RBFOX3: variants seen among roughly 807,000 people sequenced by gnomAD.
RBFOX3 encodes RNA binding fox-1 homolog 3.
In RBFOX3, 17 loss-of-function variants were observed where a neutral mutation model predicts 48.7. The ratio of observed to expected loss-of-function variants is 0.35; its 90% confidence interval spans 0.24 to 0.52. The LOEUF (loss-of-function observed/expected upper bound fraction) is 0.52. Among genes scored for constraint, RBFOX3 ranks in the 20% least tolerant of loss-of-function variants. RBFOX3 has a pLI of 0.94. For synonymous variants in RBFOX3, 212 were observed against 209.5 expected (o/e 1.01, Z -0.10); for missense variants, 382 against 497.5 (o/e 0.77, Z 2.21).
intron 4 of RBFOX3, among the ~76,000 whole-genome samples, chr17:79,148,881 A>G (rs542373092): frequency 5.9e-5 from 9 of 152,318 alleles, no homozygotes; most frequent in African/African-American, 2.2e-4. Flanking sequence ...CCTCGCTGGC[A>G]CTGATCAGGT....
intron 1 of RBFOX3, among the ~76,000 whole-genome samples, chr17:79,511,212 C>T (rs1478671247): frequency 6.6e-6 from 1 of 152,184 alleles, no homozygotes; most frequent in African/African-American, 2.4e-5. Context: ...AGGGACTCTC[C>T]CTGGGCCAGG....
At chr17:79,381,549 GC>G (rs2059926361) in intron 2 of RBFOX3, among the ~76,000 whole-genome samples, 1 of 152,240 alleles carries the variant, frequency 6.6e-6, no homozygotes, top group Non-Finnish European at 1.5e-5. Flanking sequence ...GTCAGGCAGG[GC>G]ATCTTCTGGT....
At chr17:79,244,290 G>A (rs1015427442) in intron 3 of RBFOX3, among the ~76,000 whole-genome samples, 10 of 152,110 alleles carry the variant, frequency 6.6e-5, no homozygotes, top group Admixed American at 1.3e-4. Flanking sequence ...GCTAGGGCGC[G>A]CTGAAAACTG....
At chr17:79,225,291 CTTT>C (rs58461275) in intron 4 of RBFOX3, among the ~76,000 whole-genome samples, 5 of 128,088 alleles carry the variant, frequency 3.9e-5, no homozygotes, top group Non-Finnish European at 4.8e-5. Context: ...TCCCTCCATT[CTTT>C]TTTTTTTTTT....
chr17:79,134,392 G>T (rs951199975), intron 4 of RBFOX3, among the ~76,000 whole-genome samples: 2 of 152,358 alleles, frequency 1.3e-5, no homozygotes, highest in South Asian at 4.1e-4. Context: ...GGAGTTGGTG[G>T]TCCGGGCAGT....
intron 2 of RBFOX3, among the ~76,000 whole-genome samples, chr17:79,329,259 C>G (rs2079831880): frequency 6.6e-6 from 1 of 152,128 alleles, no homozygotes. Context: ...AACAAACTCC[C>G]TTCCCACGCC....
chr17:79,321,908 G>T (rs1163520332), intron 2 of RBFOX3, among the ~76,000 whole-genome samples: 1 of 152,092 alleles, frequency 6.6e-6, no homozygotes, highest in Non-Finnish European at 1.5e-5. Context: ...GTTTCACCAT[G>T]TTGGCCAGAC....
chr17:79,293,606 C>T (rs536218063), intron 3 of RBFOX3, among the ~76,000 whole-genome samples: 2 of 152,018 alleles, frequency 1.3e-5, no homozygotes. Context: ...ACTTGCACCA[C>T]CATGCCTGGC....
intron 3 of RBFOX3, among the ~76,000 whole-genome samples, chr17:79,286,546 T>C (rs963326932): frequency 5.9e-5 from 9 of 152,078 alleles, no homozygotes; most frequent in African/African-American, 2.2e-4. Flanking sequence ...GCAGGGAGGG[T>C]TTGCCCATCC....
chr17:79,604,293 G>C (rs2093778040), intron 1 of RBFOX3, among the ~76,000 whole-genome samples: 2 of 152,228 alleles, frequency 1.3e-5, no homozygotes, highest in Admixed American at 1.3e-4. Flanking sequence ...TCAGGAGCCT[G>C]TGCATGGACC....
At chr17:79,657,199 A>C in the RBFOX3 span, among the ~76,000 whole-genome samples, 1 of 152,318 alleles carries the variant, frequency 6.6e-6, no homozygotes, top group South Asian at 2.1e-4. Context: ...AAGCAGCCAC[A>C]CGGCAAATGG....
chr17:79,285,010 T>C (rs964543367), intron 3 of RBFOX3, among the ~76,000 whole-genome samples: 6 of 152,156 alleles, frequency 3.9e-5, no homozygotes, highest in Admixed American at 1.3e-4. Flanking sequence ...TGTGTGGATA[T>C]TTGCAGCCTG....
At chr17:79,377,851 C>T (rs11868477) in intron 2 of RBFOX3, among the ~76,000 whole-genome samples, 35,990 of 152,050 alleles carry the variant, frequency 0.24, 5,505 homozygotes, top group East Asian at 0.63. Context: ...TGGCTGCCTG[C>T]GGGACTGGGT....
At chr17:79,488,725 C>G (rs2080036027) in intron 1 of RBFOX3, among the ~76,000 whole-genome samples, 1 of 152,196 alleles carries the variant, frequency 6.6e-6, no homozygotes, top group Non-Finnish European at 1.5e-5. Flanking sequence ...CATCCCTGCC[C>G]AAAGTGTCTT....
chr17:79,442,246 A>G (rs1185682580), intron 2 of RBFOX3, among the ~76,000 whole-genome samples: 1,020 of 8,244 alleles, frequency 0.12, 187 homozygotes, highest in African/African-American at 0.17. Context: ...AGAGAGAGAG[A>G]GAGAGAGAGA....
rs980094050 is a variant in RBFOX3 at position 79,363,243 on chromosome 17, C to T, written c.-174-55419G>A. On this transcript the variant is annotated intron_variant, in intron 2 of 14. Coordinates refer to ENST00000693108, the MANE Select transcript of RBFOX3 (RefSeq NM_001350451.2). The surrounding 1 kb of genome is among the most constrained non-coding windows in gnomAD (Gnocchi z 4.7). ...GCAAGGCTGATGCACAGAGAGGGGACATGGCTCACGGGTGACAGTTAGGGT... is the reference window on the plus strand; with the variant it reads ...GCAAGGCTGATGCACAGAGAGGGGATATGGCTCACGGGTGACAGTTAGGGT... Among the ~76,000 whole-genome samples the T allele has an allele frequency of 6.6e-6, 1 of 152,114 alleles. No homozygotes were observed. The highest frequency in any genetic ancestry group is 1.5e-5 in the Non-Finnish European group (1 of 68,020).
chr17:79,192,144 T>C (rs1029866491), intron 4 of RBFOX3, among the ~76,000 whole-genome samples: 5 of 152,168 alleles, frequency 3.3e-5, no homozygotes, highest in African/African-American at 4.8e-5. Context: ...CACTCTAGCA[T>C]TGGGGTCCAG....
chr17:79,234,177 C>G (rs1366295432), intron 4 of RBFOX3: 1 of 152,292 alleles, frequency 6.6e-6, no homozygotes, highest in Non-Finnish European at 1.5e-5. Flanking sequence ...CTGTGGGAAG[C>G]CTGAGGCCAT....
chr17:79,442,040 A>G (rs1454387034), intron 2 of RBFOX3, among the ~76,000 whole-genome samples: 2 of 151,468 alleles, frequency 1.3e-5, no homozygotes, highest in African/African-American at 4.9e-5. Context: ...AGCTTCCAAG[A>G]GCAAAGATGC....
Sources: allele counts gnomAD v4.1 joint callset (sites outside exome capture counted in the v4.1 genomes callset), GRCh38; gene constraint gnomAD v4.1.1; non-coding constraint Gnocchi (gnomAD v3.1); transcripts MANE v1.5; gene names NCBI Gene and HGNC (gene_info 2026-07-23, HGNC 2026-07-21).